RABGEF1: variants seen among roughly 807,000 people sequenced by gnomAD.
RABGEF1 encodes the protein rab5 GDP/GTP exchange factor.
RABGEF1 carries 26 observed loss-of-function variants against 57.3 expected under a neutral mutation model. The observed-to-expected ratio is 0.45, with a 90% confidence interval of 0.33 to 0.63. The LOEUF (loss-of-function observed/expected upper bound fraction) is 0.63, where lower values mean the gene tolerates loss of function less well. RABGEF1 is among the 20% of genes least tolerant of loss of function. RABGEF1 has a pLI of 0.02. For missense variants in RABGEF1, 464 were observed against 607.6 expected (o/e 0.76, Z 2.48); for synonymous variants, 185 against 210.7 (o/e 0.88, Z 1.06).
At chr7:66,786,771 G>A (rs1164516394) in intron 4 of RABGEF1, among the ~76,000 whole-genome samples, 2 of 151,946 alleles carry the variant, frequency 1.3e-5, no homozygotes, top group South Asian at 2.1e-4. Flanking sequence ...TTTCTTTCTT[G>A]CTAGTCTTAC....
In RABGEF1 at chr7:66,802,652, A is replaced by G. The variant is rs1375615298; in HGVS notation, c.821-2488A>G. Among the ~76,000 whole-genome samples, 6 of 152,336 alleles carry G rather than the reference A, an allele frequency of 3.9e-5. No homozygotes were observed. In the South Asian group the frequency reaches 1.0e-3, roughly 26 times the overall value. On this transcript the variant is annotated intron_variant, in intron 7 of 8. Transcript: ENST00000284957. ...GGAATTGCACACATGGGAAAATCCA[A>G]AGAGTTCCACGAAGAATTCCTTCAG...
chr7:66,805,992 A>G (rs1584295621), intron 8 of RABGEF1, among the ~76,000 whole-genome samples: 1 of 149,412 alleles, frequency 6.7e-6, no homozygotes, highest in Non-Finnish European at 1.5e-5. Context: ...CAGTCCTCCC[A>G]CCTTGACCTC....
At chr7:66,802,012 C>T (rs1173491751) in intron 7 of RABGEF1, among the ~76,000 whole-genome samples, 4 of 152,270 alleles carry the variant, frequency 2.6e-5, no homozygotes, top group African/African-American at 7.2e-5. Context: ...CAGGCTCAAG[C>T]GATCCGTCCG....
At chr7:66,786,389 T>TCTTTC (rs1264296314) in intron 4 of RABGEF1, among the ~76,000 whole-genome samples, 2 of 152,176 alleles carry the variant, frequency 1.3e-5, no homozygotes, top group African/African-American at 2.4e-5. Context: ...CACTTCTCTT[T>TCTTTC]CTTTCCTTTC....
chr7:66,795,579 A>C lies in RABGEF1; in HGVS notation c.582A>C (p.Gln194His). The C allele has an allele frequency of 1.2e-6, 2 of 1,606,868 alleles. No individual in the cohort carries two copies. The highest frequency in any genetic ancestry group is 1.7e-6 in the Non-Finnish European group (2 of 1,173,384). Residue 194 changes from glutamine to histidine, a missense_variant, in exon 5 of 9, where the codon CAA (glutamine) becomes CAC (histidine). Gln to His is a conservative substitution (Grantham distance 24). Coordinates refer to ENST00000284957, the MANE Select transcript of RABGEF1 (RefSeq NM_014504.3). ...ACCACAATGTGGCCGAAAGGATGCAAACTCGTGGGAAAGGTAACACTGTTA... is the reference window on the plus strand; with the variant it reads ...ACCACAATGTGGCCGAAAGGATGCACACTCGTGGGAAAGGTAACACTGTTA... ...DFYHNVAERM[Q>H]TRGKVPPERV... is the part of the protein sequence containing the mutation.
chr7:66,750,360 G>C (rs1229850791), intron 1 of RABGEF1, among the ~76,000 whole-genome samples: 1 of 152,156 alleles, frequency 6.6e-6, no homozygotes, highest in Non-Finnish European at 1.5e-5. Flanking sequence ...AATGTTTTAT[G>C]ACAGAGACAG....
At chr7:66,732,188 G>C (rs10267020) in intron 2 of RABGEF1, among the ~76,000 whole-genome samples, 3 of 152,210 alleles carry the variant, frequency 2.0e-5, no homozygotes, top group African/African-American at 7.2e-5. Flanking sequence ...AGTGGGCCTC[G>C]GTGCCTGGAG....
At chr7:66,785,163 G>A (rs752312057) in intron 4 of RABGEF1, among the ~76,000 whole-genome samples, 4 of 152,264 alleles carry the variant, frequency 2.6e-5, no homozygotes, top group Middle Eastern at 3.4e-3. Context: ...TTCTAAATGA[G>A]TATACTAAAG....
At chr7:66,671,426 A>T in the RABGEF1 span, among the ~76,000 whole-genome samples, 72 of 152,222 alleles carry the variant, frequency 4.7e-4, no homozygotes, top group Non-Finnish European at 9.3e-4. Flanking sequence ...GTAGTCTAAA[A>T]CAACATGGAG....
intron 8 of RABGEF1, among the ~76,000 whole-genome samples, chr7:66,807,311 C>G (rs928109028): frequency 6.6e-6 from 1 of 152,208 alleles, no homozygotes; most frequent in African/African-American, 2.4e-5. Flanking sequence ...CTGACGAACC[C>G]CACGGGCACT....
chr7:66,677,585 AC>A (rs1435889257), upstream of RABGEF1, among the ~76,000 whole-genome samples: 1 of 151,830 alleles, frequency 6.6e-6, no homozygotes. Flanking sequence ...ACATGGTGAA[AC>A]CCTGTCTCTA....
At chr7:66,660,483 A>G in the RABGEF1 span, among the ~76,000 whole-genome samples, 1 of 152,204 alleles carries the variant, frequency 6.6e-6, no homozygotes, top group African/African-American at 2.4e-5. Flanking sequence ...GCAAATCTCT[A>G]GAAACACAAA....
At chr7:66,778,209 C>T (rs1197231784) in intron 3 of RABGEF1, among the ~76,000 whole-genome samples, 2 of 152,166 alleles carry the variant, frequency 1.3e-5, no homozygotes, top group African/African-American at 2.4e-5. Flanking sequence ...CCATGATACC[C>T]TTGCTGTTGG....
chr7:66,808,898 G>A lies in RABGEF1; in HGVS notation c.1090G>A (p.Ala364Thr). The change falls in exon 9 of 9, where the codon GCT becomes ACT. Residue 364 changes from alanine (A) to threonine (T), a missense_variant. Transcript: ENST00000284957. ...CCTCTTCTTGTAGTGCTGTGCTGTG[G>A]CTTTCATTGAGAAGCTAGACGCCCA... Reference protein sequence around the residue: ...YYFTNLCCAVAFIEKLDAQSL... With the variant: ...YYFTNLCCAVTFIEKLDAQSL... The A allele has an allele frequency of 6.3e-7, 1 of 1,597,754 alleles. No individual in the cohort carries two copies. The highest frequency in any genetic ancestry group is 8.6e-7 in the Non-Finnish European group (1 of 1,165,956).
chr7:66,757,549 G>A (rs1181991429), intron 1 of RABGEF1, among the ~76,000 whole-genome samples: 1 of 152,238 alleles, frequency 6.6e-6, no homozygotes, highest in Admixed American at 6.5e-5. Flanking sequence ...ATATTTGAAT[G>A]AATGCAGAGG....
the RABGEF1 span, among the ~76,000 whole-genome samples, chr7:66,662,963 C>T: frequency 1.3e-5 from 2 of 152,074 alleles, no homozygotes; most frequent in Admixed American, 1.3e-4. Context: ...CATGTGTGTG[C>T]AGGTGTGTAT....
intron 1 of RABGEF1, among the ~76,000 whole-genome samples, chr7:66,693,811 CTTTTTTTTTTTT>C (rs534419507): frequency 7.0e-6 from 1 of 141,872 alleles, no homozygotes; most frequent in Admixed American, 7.1e-5. Flanking sequence ...CCTTTTTTTT[CTTTTTTTTTTTT>C]TTGAGACAGG....
At chr7:66,660,385 A>G in the RABGEF1 span, among the ~76,000 whole-genome samples, 4 of 152,044 alleles carry the variant, frequency 2.6e-5, no homozygotes, top group African/African-American at 4.8e-5. Flanking sequence ...AAATGAGCAC[A>G]TTACTGTGAT....
At chr7:66,735,568 G>C (rs901219813) in intron 2 of RABGEF1, among the ~76,000 whole-genome samples, 1 of 152,164 alleles carries the variant, frequency 6.6e-6, no homozygotes, top group Non-Finnish European at 1.5e-5. Context: ...TTGGAGGTGA[G>C]GCCTGGTGAG....
Sources: gnomAD v4.1 joint callset for allele counts (sites outside exome capture counted in the v4.1 genomes callset) on GRCh38, gnomAD v4.1.1 for gene constraint, MANE v1.5 for transcripts, NCBI Gene and HGNC (gene_info 2026-07-23, HGNC 2026-07-21) for gene names.